The following GRSF1 variants were observed in gnomAD, a reference collection of about 807,000 sequenced individuals.
GRSF1 encodes G-rich sequence factor 1.
GRSF1 carries 50 observed loss-of-function variants against 51.1 expected under a neutral mutation model. That is an observed-to-expected ratio of 0.98 (90% CI 0.78 to 1.24). The LOEUF (loss-of-function observed/expected upper bound fraction) is 1.24. GRSF1 is among the 50% of genes most tolerant of loss of function. The pLI, the probability that GRSF1 is intolerant of heterozygous loss-of-function variation, is 0.00. For missense variants in GRSF1, 700 were observed against 639.7 expected, an observed-to-expected ratio of 1.09 and a Z score of -1.02; for synonymous variants, 293 against 253.3, an observed-to-expected ratio of 1.16 and a Z score of -1.49.
upstream of GRSF1, among the ~76,000 whole-genome samples, chr4:70,840,895 G>A (rs1368353709): frequency 6.6e-6 from 1 of 152,122 alleles, no homozygotes; most frequent in Non-Finnish European, 1.5e-5. Flanking sequence ...AACCCTTTCT[G>A]AAAGGAATTG....
chr4:70,827,947 G>A lies in GRSF1; in HGVS notation c.1040C>T (p.Ala347Val). 1.2e-6 allele frequency: 2 copies of A among 1,611,448 alleles called. No individual in the cohort carries two copies. Among genetic ancestry groups the A allele is most frequent in the South Asian group, 1.1e-5 (1 of 90,958 alleles). Residue 347 changes from alanine to valine, a missense_variant, in exon 6 of 10, where the codon GCT becomes GTT. Coordinates refer to ENST00000254799, the MANE Select transcript of GRSF1 (RefSeq NM_002092.4). Reference protein sequence around the residue: ...KGKKIASFPTAKYITEPEMVF... With the variant: ...KGKKIASFPTVKYITEPEMVF... ...CATTTCTGGCTCAGTTATATACTTA[G>A]CAGTAGGAAAAGATGCGATTTTCTT... is the stretch of plus-strand genomic sequence containing the variant.
chr4:70,839,147 T>C (rs1304655620), intron 1 of GRSF1: 2 of 1,320,994 alleles, frequency 1.5e-6, no homozygotes, highest in African/African-American at 3.0e-5. Flanking sequence ...AGATGCGAGG[T>C]GGGGGCGTCA....
rs757639808 is a variant in GRSF1 at position 70,833,136 on chromosome 4, C to T, written c.652G>A (p.Gly218Ser). ...CACATACCTTCCACATACCGCTGGC[C>T]CATGTACATGCGGTGCTTCTCTAAG... Reference protein sequence around the residue: ...KALEKHRMYMGQRYVEVYEIN... With the variant: ...KALEKHRMYMSQRYVEVYEIN... Residue 218 changes from glycine to serine, a missense_variant, in exon 3 of 10, where the codon GGC becomes AGC. Coordinates refer to ENST00000254799, the MANE Select transcript of GRSF1 (RefSeq NM_002092.4). 1 of 1,613,876 alleles carries T rather than the reference C, an allele frequency of 6.2e-7. No homozygotes were observed. The highest frequency in any genetic ancestry group is 2.2e-5 in the East Asian group (1 of 44,880).
At position 70,839,412 on chromosome 4, in the gene GRSF1, G is replaced by T. The variant is rs533420577; in HGVS notation, c.357+59C>A. 40 of 1,508,100 alleles carry T rather than the reference G, an allele frequency of 2.7e-5. No homozygotes were observed. The African/African-American group carries it at 5.4e-4, about 20-fold the overall frequency. 93.4% of individuals were successfully genotyped at this position (1,508,100 alleles called of 1,614,324 possible). A position where few individuals can be genotyped will look rare whatever the true frequency, so the allele number is the denominator to read the frequency against. On this transcript the variant is annotated intron_variant, in intron 1 of 9. Transcript: ENST00000254799. Reference sequence around the variant, plus strand: ...ACACGGAGGGACGGAGGGGCGCGGGGGCGCGTGCACGCGGCCCGGGAGGGA... The same window carrying T: ...ACACGGAGGGACGGAGGGGCGCGGGTGCGCGTGCACGCGGCCCGGGAGGGA...
At position 70,839,606 on chromosome 4, in the gene GRSF1, C is replaced by T. The variant is rs1332839390; in HGVS notation, c.222G>A (p.Gly74=). ...CCACAGCGGGAGGCCCCGCCAGCCT[C>T]CCGGGAGGCACAGGCCCGGTCTGGA... ...RGLQTGPVPP[G]RLAGPPAVAT... The change falls in exon 1 of 10, where the codon GGG becomes GGA. Residue 74 remains glycine, a synonymous_variant. Coordinates refer to ENST00000254799, the MANE Select transcript of GRSF1 (RefSeq NM_002092.4). 26 of 1,409,566 alleles carry T rather than the reference C, an allele frequency of 1.8e-5. No homozygotes were observed. The highest frequency in any genetic ancestry group is 3.0e-5 in the African/African-American group (2 of 66,284). 87.3% of individuals were successfully genotyped at this position (1,409,566 alleles called of 1,614,324 possible).
rs1397821674 is a variant in GRSF1 at position 70,839,639 on chromosome 4, C to T, written c.189G>A (p.Thr63=). ...GCACAGGCCCGGTCTGGAGGCCACG[C>T]GTCTGGGAGGCAGCGGCCGCGGCGG... The part of the protein sequence containing the change: ...LGAAAAAASQ[T]RGLQTGPVPP... The change falls in exon 1 of 10, where the codon ACG becomes ACA. Residue 63 remains threonine, a synonymous_variant. Coordinates refer to ENST00000254799, the MANE Select transcript of GRSF1 (RefSeq NM_002092.4). 7.1e-6 allele frequency: 10 copies of T among 1,399,276 alleles called. No individual in the cohort carries two copies. The highest frequency in any genetic ancestry group is 9.2e-6 in the Non-Finnish European group (10 of 1,089,628). The allele number at this position is 1,399,276 out of a possible 1,614,324, so 86.7% of individuals were successfully genotyped here.
intron 1 of GRSF1, 61 bp downstream of exon 1, chr4:70,839,410 G>A: frequency 6.6e-7 from 1 of 1,508,128 alleles, no homozygotes; most frequent in South Asian, 1.2e-5. Context: ...GAGGGGCGCG[G>A]GGGCGCGTGC....
At chr4:70,840,218 A>G (rs1009627731), upstream of GRSF1, among the ~76,000 whole-genome samples, 5 of 148,990 alleles carry the variant, frequency 3.4e-5, no homozygotes, top group African/African-American at 1.2e-4. Context: ...GGGGCTGCCC[A>G]TGGTTTGGGC....
upstream of GRSF1, among the ~76,000 whole-genome samples, chr4:70,840,235 G>T (rs1374549261): frequency 6.6e-6 from 1 of 151,782 alleles, no homozygotes; most frequent in Non-Finnish European, 1.5e-5. Context: ...GGGCGGGGCT[G>T]CCCATGGTTT....
Position 70,839,787 on chromosome 4 carries a change from C to A in GRSF1, c.41G>T (p.Gly14Val). Residue 14 changes from glycine to valine, a missense_variant, in exon 1 of 10, where the codon GGC becomes GTC. By Grantham distance (109) the Gly-to-Val change is moderately radical. Coordinates refer to ENST00000254799, the MANE Select transcript of GRSF1 (RefSeq NM_002092.4). The stretch of plus-strand genomic sequence containing the variant: ...GCAGCTGCTGCAGTTACAGCCGCAG[C>A]CCCGGAGCAGCGCCCCGAGTACCCA... ...TRWVLGALLR[G>V]CGCNCSSCRR... 6.6e-7 allele frequency: 1 copy of A among 1,505,528 alleles called. No homozygotes were observed. Among genetic ancestry groups the A allele is most frequent in the Non-Finnish European group, 8.8e-7 (1 of 1,134,204 alleles). 93.3% of individuals were successfully genotyped at this position (1,505,528 alleles called of 1,614,324 possible).
chr4:70,831,128 C>T (rs1243320517), intron 5 of GRSF1, among the ~76,000 whole-genome samples: 3 of 151,926 alleles, frequency 2.0e-5, no homozygotes, highest in Non-Finnish European at 2.9e-5. Flanking sequence ...GAGGCCGAGG[C>T]GGGCGGATCA....
At chr4:70,835,829 C>T (rs1008448375) in intron 2 of GRSF1, among the ~76,000 whole-genome samples, 1 of 152,174 alleles carries the variant, frequency 6.6e-6, no homozygotes, top group Non-Finnish European at 1.5e-5. Flanking sequence ...CAGTGTTGCC[C>T]AGTGTGGTAT....
chr4:70,842,002 G>A (rs1168608605), upstream of GRSF1, among the ~76,000 whole-genome samples: 2 of 152,190 alleles, frequency 1.3e-5, no homozygotes, highest in Non-Finnish European at 2.9e-5. Context: ...CCTCAGAGGA[G>A]TCCCAGAAAT....
In GRSF1 at chr4:70,817,983, A is replaced by T. The variant is rs1033922070; in HGVS notation, c.*2904T>A. The T allele has an allele frequency of 4.6e-5, 7 of 152,240 alleles. No individual in the cohort carries two copies. The highest frequency in any genetic ancestry group is 1.7e-4 in the African/African-American group (7 of 41,454). 9.4% of individuals were successfully genotyped at this position (152,240 alleles called of 1,614,324 possible). ...CTATACTATAGGTCCTACCAATTCA[A>T]TGTGAGTGTCTTCCGATAATTTAGG... On this transcript the variant is annotated 3_prime_UTR_variant, in exon 10 of 10. Transcript: ENST00000254799.
At chr4:70,838,097 T>G (rs941538048) in intron 1 of GRSF1, among the ~76,000 whole-genome samples, 1 of 151,082 alleles carries the variant, frequency 6.6e-6, no homozygotes, top group Non-Finnish European at 1.5e-5. Context: ...CGGGCGCCTG[T>G]AGTCCCAGCT....
At position 70,833,151 on chromosome 4, in the gene GRSF1, G is replaced by C; in HGVS notation, c.637C>G (p.His213Asp). Residue 213 changes from histidine to aspartate, a missense_variant, in exon 3 of 10, where the codon CAC becomes GAC. Transcript: ENST00000254799. ...EQDVQKALEK[H>D]RMYMGQRYVE... ...TACCGCTGGCCCATGTACATGCGGT[G>C]CTTCTCTAAGGCTTTCTGCACATCC... 1 of 1,613,868 alleles carries C rather than the reference G, an allele frequency of 6.2e-7. No homozygotes were observed. The highest frequency in any genetic ancestry group is 8.5e-7 in the Non-Finnish European group (1 of 1,179,820).
intron 8 of GRSF1, 43 bp from the exon 9 acceptor site, chr4:70,824,411 T>C (rs1395652864): frequency 1.0e-6 from 1 of 982,750 alleles, no homozygotes; most frequent in South Asian, 1.4e-5. Flanking sequence ...GTTGAAAAGG[T>C]AGAAAAATAT....
chr4:70,824,307 GC>G lies in GRSF1; in HGVS notation c.*11del. The G allele has an allele frequency of 7.4e-7, 1 of 1,359,336 alleles. No individual in the cohort carries two copies. The highest frequency in any genetic ancestry group is 1.0e-6 in the Non-Finnish European group (1 of 961,482). The allele number at this position is 1,359,336 out of a possible 1,614,324, so 84.2% of individuals were successfully genotyped here. A position where few individuals can be genotyped will look rare whatever the true frequency, so the allele number is the denominator to read the frequency against. On this transcript the variant is annotated 3_prime_UTR_variant, in exon 9 of 10. Transcript: ENST00000254799. ...TCTTAAATTTACCTTATTATCTGGA[GC>G]CCCTAGAGTCTTATTTTCCTTTTGG...
rs538242968 is a variant in GRSF1 at position 70,826,536 on chromosome 4, GA to G, written c.1136-292del. ...AGAGACTTTCTAGATTATAGGCACTGAAAAAAAAAAAAAAGAACAAAGGCTG... is the reference window on the plus strand; with the variant it reads ...AGAGACTTTCTAGATTATAGGCACTGAAAAAAAAAAAAAGAACAAAGGCTG... On this transcript the variant is annotated intron_variant, in intron 6 of 9. Coordinates refer to ENST00000254799, the MANE Select transcript of GRSF1 (RefSeq NM_002092.4). Among the ~76,000 whole-genome samples the G allele has an allele frequency of 5.9e-3, 792 of 134,896 alleles. 3 individuals carry two copies. The highest frequency in any genetic ancestry group is 0.013 in the African/African-American group (470 of 36,972). The allele number at this position is 134,896 out of a possible 152,430, so 88.5% of individuals were successfully genotyped here.
Sources: gnomAD v4.1 joint callset for allele counts (sites outside exome capture counted in the v4.1 genomes callset) on GRCh38, gnomAD v4.1.1 for gene constraint, MANE v1.5 for transcripts, NCBI Gene and HGNC (gene_info 2026-07-23, HGNC 2026-07-21) for gene names.